AFM: variants seen among roughly 807,000 people sequenced by gnomAD.
AFM encodes the protein afamin.
Under a neutral mutation model 68.7 loss-of-function variants are expected in AFM, and 82 were observed. That is an observed-to-expected ratio of 1.19 (90% CI 1.00 to 1.43). The LOEUF is 1.43. Ranked by LOEUF, AFM falls within the 40% of genes most tolerant of loss-of-function variation. The probability of loss-of-function intolerance (pLI) is 0.00; values close to 1 mark genes in which losing one functional copy is unlikely to be tolerated. For synonymous variants in AFM, 250 were observed against 234.2 expected, an observed-to-expected ratio of 1.07 and a Z score of -0.61; for missense variants, 772 against 701.8, an observed-to-expected ratio of 1.10 and a Z score of -1.13.
In AFM at chr4:73,495,308, T is replaced by C. The variant is rs1287874026; in HGVS notation, c.1067T>C (p.Phe356Ser). 1 of 1,579,446 alleles carries C rather than the reference T, an allele frequency of 6.3e-7. No individual in the cohort carries two copies. Among genetic ancestry groups the C allele is most frequent in the African/African-American group, 1.4e-5 (1 of 72,454 alleles). ...DPDTFFAKFT[F>S]EYSRRHPDLS... is the part of the protein sequence containing the mutation. ...AATTTTACACATTGCAGGTTTACTTTTGAATACTCAAGGAGACATCCAGAC... is the reference window on the plus strand; with the variant it reads ...AATTTTACACATTGCAGGTTTACTTCTGAATACTCAAGGAGACATCCAGAC... The change falls in exon 9 of 15, where the codon TTT (phenylalanine) becomes TCT (serine). Residue 356 changes from phenylalanine (F) to serine (S), a missense_variant. Transcript: ENST00000226355.
At chr4:73,496,032 T>TG (rs1167626032) in intron 9 of AFM, among the ~76,000 whole-genome samples, 2 of 152,166 alleles carry the variant, frequency 1.3e-5, no homozygotes, top group Non-Finnish European at 2.9e-5. Context: ...AGAAAACTTT[T>TG]TTGTTGTTGT....
In AFM at chr4:73,486,076, A is replaced by G. The variant is rs1345011068; in HGVS notation, c.482+3A>G. Reference sequence around the variant, plus strand: ...AACAGAGAATCCCTTTTAAATCAGTAAGTTTAATCTTAGTAAAAAATGATC... The same window carrying G: ...AACAGAGAATCCCTTTTAAATCAGTGAGTTTAATCTTAGTAAAAAATGATC... On this transcript the variant is annotated splice_donor_region_variant and intron_variant, in intron 4 of 14. Coordinates refer to ENST00000226355, the MANE Select transcript of AFM (RefSeq NM_001133.2). The G allele has an allele frequency of 1.9e-6, 3 of 1,608,080 alleles. No homozygotes were observed. Among genetic ancestry groups the G allele is most frequent in the African/African-American group, 2.7e-5 (2 of 74,700 alleles).
chr4:73,495,936 A>C (rs1011380623), intron 9 of AFM, among the ~76,000 whole-genome samples: 1 of 152,224 alleles, frequency 6.6e-6, no homozygotes, highest in Non-Finnish European at 1.5e-5. Context: ...TCTTCAGTAC[A>C]TATACGTATA....
At position 73,488,755 on chromosome 4, in the gene AFM, A is replaced by G; in HGVS notation, c.839A>G (p.Asp280Gly). Residue 280 changes from aspartate (D) to glycine (G), a missense_variant, in exon 7 of 15, where the codon GAC becomes GGC. Coordinates refer to ENST00000226355, the MANE Select transcript of AFM (RefSeq NM_001133.2). The part of the protein sequence containing the change: ...CEGDVVQCIR[D>G]TSKVMNHICS... Reference sequence around the variant, plus strand: ...GGGGATGTTGTGCAGTGCATCCGTGACACGGTGAATATTCTCTAAAACCAA... The same window carrying G: ...GGGGATGTTGTGCAGTGCATCCGTGGCACGGTGAATATTCTCTAAAACCAA... The G allele has an allele frequency of 6.2e-7, 1 of 1,605,872 alleles. No homozygotes were observed. The highest frequency in any genetic ancestry group is 8.5e-7 in the Non-Finnish European group (1 of 1,177,740).
At chr4:73,501,681 C>T (rs1721427108) in intron 12 of AFM, 106 bp from the exon 13 acceptor site, 2 of 1,286,192 alleles carry the variant, frequency 1.6e-6, no homozygotes, top group Non-Finnish European at 2.1e-6. Context: ...TCTTTACCCA[C>T]ACCCAAGCTG....
chr4:73,484,477 TC>T lies in AFM; in HGVS notation c.270+88del, dbSNP rs1271907467. On this transcript the variant is annotated intron_variant, in intron 3 of 14. Transcript: ENST00000226355. Reference sequence around the variant, plus strand: ...TTCTTTCTTTCTTTCTTTCTTTCTTTCTTTCTTTCTTTCTTTCTTTCTTTCT... The same window carrying T: ...TTCTTTCTTTCTTTCTTTCTTTCTTTTTTCTTTCTTTCTTTCTTTCTTTCT... 4 of 622,722 alleles carry T rather than the reference TC, an allele frequency of 6.4e-6. No individual in the cohort carries two copies. The African/African-American group carries it at 8.0e-5, about 12-fold the overall frequency. 38.6% of individuals were successfully genotyped at this position (622,722 alleles called of 1,614,324 possible). A position where few individuals can be genotyped will look rare whatever the true frequency, so the allele number is the denominator to read the frequency against.
intron 8 of AFM, among the ~76,000 whole-genome samples, chr4:73,493,896 G>A (rs996789907): frequency 1.6e-4 from 25 of 152,160 alleles, no homozygotes; most frequent in African/African-American, 5.8e-4. Flanking sequence ...TGAAACATGG[G>A]GAGAAATGAT....
At chr4:73,484,960 T>C (rs538522352) in intron 3 of AFM, among the ~76,000 whole-genome samples, 2 of 152,364 alleles carry the variant, frequency 1.3e-5, no homozygotes, top group South Asian at 4.1e-4. Context: ...TTTTGGTATT[T>C]AGAACAAGGT....
At position 73,485,854 on chromosome 4, in the gene AFM, T is replaced by C; in HGVS notation, c.271-8T>C. ...CTAAAAATTGTCCTTTTCTTCTCTG[T>C]TGTATAGAATAATGTTTTACAGGAA... On this transcript the variant is annotated splice_polypyrimidine_tract_variant and splice_region_variant and intron_variant, in intron 3 of 14. Transcript: ENST00000226355. 1 of 1,611,088 alleles carries C rather than the reference T, an allele frequency of 6.2e-7. No homozygotes were observed. Among genetic ancestry groups the C allele is most frequent in the South Asian group, 1.1e-5 (1 of 90,994 alleles).
In AFM at chr4:73,487,776, T is replaced by C; in HGVS notation, c.668T>C (p.Val223Ala). Residue 223 changes from valine to alanine, a missense_variant, in exon 6 of 15, where the codon GTC (valine) becomes GCC (alanine). Val to Ala is a moderately conservative substitution (Grantham distance 64, BLOSUM62 0). Coordinates refer to ENST00000226355, the MANE Select transcript of AFM (RefSeq NM_001133.2). ...GCATTTTCTTCTTATCAAAAACATG[T>C]CTGTGGGGCACTTTTGAAATTTGGA... ...LKAFSSYQKH[V>A]CGALLKFGTK... 6.2e-7 allele frequency: 1 copy of C among 1,613,476 alleles called. No individual in the cohort carries two copies. The highest frequency in any genetic ancestry group is 1.1e-5 in the South Asian group (1 of 91,038).
chr4:73,502,346 GT>G (rs1230875774), intron 13 of AFM, among the ~76,000 whole-genome samples: 1 of 152,170 alleles, frequency 6.6e-6, no homozygotes, highest in Non-Finnish European at 1.5e-5. Flanking sequence ...GTATTAGAAA[GT>G]GAAGTCTTTC....
At position 73,488,741 on chromosome 4, in the gene AFM, G is replaced by C; in HGVS notation, c.825G>C (p.Val275=). 6.2e-7 allele frequency: 1 copy of C among 1,611,990 alleles called. No individual in the cohort carries two copies. Among genetic ancestry groups the C allele is most frequent in the Non-Finnish European group, 8.5e-7 (1 of 1,179,234 alleles). The part of the protein sequence containing the change: ...NYDGCCEGDV[V]QCIRDTSKVM... ...ATGGATGCTGTGAAGGGGATGTTGT[G>C]CAGTGCATCCGTGACACGGTGAATA... is the stretch of plus-strand genomic sequence containing the variant. The change falls in exon 7 of 15, where the codon GTG becomes GTC. Residue 275 remains valine, a synonymous_variant. Transcript: ENST00000226355.
chr4:73,501,887 G>A lies in AFM; in HGVS notation c.1747G>A (p.Ala583Thr). The stretch of plus-strand genomic sequence containing the variant: ...AAATGTAGTGGATAAGTGCTGCAAA[G>A]CAGAGAGTCCTGAAGTCTGCTTTAA... ...FANVVDKCCK[A>T]ESPEVCFNEE... Residue 583 changes from alanine to threonine, a missense_variant, in exon 13 of 15, where the codon GCA (alanine) becomes ACA (threonine). Coordinates refer to ENST00000226355, the MANE Select transcript of AFM (RefSeq NM_001133.2). The A allele has an allele frequency of 6.2e-7, 1 of 1,613,508 alleles. No homozygotes were observed. Among genetic ancestry groups the A allele is most frequent in the Non-Finnish European group, 8.5e-7 (1 of 1,179,636 alleles).
At chr4:73,501,947 T>C (rs773126005) in intron 13 of AFM, 28 bp downstream of exon 13, 3 of 1,606,650 alleles carry the variant, frequency 1.9e-6, no homozygotes, top group Non-Finnish European at 2.5e-6. Context: ...CTACTGAAAT[T>C]CAACTGGTTT....
At chr4:73,497,826 G>C in intron 10 of AFM, 77 bp downstream of exon 10, 1 of 958,618 alleles carries the variant, frequency 1.0e-6, no homozygotes, top group South Asian at 2.0e-5. Flanking sequence ...AAAAAAGTTA[G>C]CTGTCAAGTT....
At chr4:73,500,826 A>G (rs184575126) in intron 12 of AFM, among the ~76,000 whole-genome samples, 86 of 152,288 alleles carry the variant, frequency 5.6e-4, no homozygotes, top group Middle Eastern at 6.8e-3. Flanking sequence ...AAATAGAATA[A>G]TACTCTTATT....
chr4:73,487,403 A>G (rs1297249990), intron 5 of AFM, among the ~76,000 whole-genome samples: 2 of 152,102 alleles, frequency 1.3e-5, no homozygotes, highest in Non-Finnish European at 2.9e-5. Context: ...TTTATCTTTG[A>G]CAATTTGTAG....
At chr4:73,484,031 G>A (rs1160335285) in intron 2 of AFM, 42 bp downstream of exon 2, 2 of 1,475,418 alleles carry the variant, frequency 1.4e-6, no homozygotes, top group East Asian at 2.3e-5. Context: ...TTTTTAAAAT[G>A]ATATATTCTA....
At chr4:73,489,397 A>T (rs901420673) in intron 7 of AFM, among the ~76,000 whole-genome samples, 1 of 152,138 alleles carries the variant, frequency 6.6e-6, no homozygotes, top group East Asian at 1.9e-4. Flanking sequence ...TATATATAAC[A>T]TGTTATATAT....
Sources: gnomAD v4.1 joint callset for allele counts (sites outside exome capture counted in the v4.1 genomes callset) on GRCh38, gnomAD v4.1.1 for gene constraint, MANE v1.5 for transcripts, NCBI Gene and HGNC (gene_info 2026-07-23, HGNC 2026-07-21) for gene names.